TTC28: variants seen among roughly 807,000 people sequenced by gnomAD.
The protein encoded by TTC28 is tetratricopeptide repeat domain 28.
TTC28 carries 61 observed loss-of-function variants against 198.0 expected under a neutral mutation model. That is an observed-to-expected ratio of 0.31 (90% confidence interval 0.25 to 0.38). The LOEUF is 0.38. Ranked by LOEUF, TTC28 falls within the 10% of genes least tolerant of loss-of-function variation. The pLI is 1.00. For synonymous variants in TTC28, 1,171 were observed against 1,297.8 expected, an observed-to-expected ratio of 0.90 and a Z score of 2.10; for missense variants, 2,678 against 3,164.0, an observed-to-expected ratio of 0.85 and a Z score of 3.69.
Position 28,103,833 on chromosome 22 carries a change from C to T in TTC28, c.3307+1446G>A, listed in dbSNP as rs111664176. Among the ~76,000 whole-genome samples, 350 of 152,334 alleles carry T rather than the reference C, an allele frequency of 2.3e-3. 2 individuals carry two copies. The highest frequency in any genetic ancestry group is 7.8e-3 in the African/African-American group (325 of 41,580). On this transcript the variant is annotated intron_variant, in intron 8 of 22. Coordinates refer to ENST00000397906, the MANE Select transcript of TTC28 (RefSeq NM_001145418.2). Reference sequence around the variant, plus strand: ...TTTCAGGAAGTACAAAAGAACACAGCTGAAAAGTTGTCATATGACTGAATT... The same window carrying T: ...TTTCAGGAAGTACAAAAGAACACAGTTGAAAAGTTGTCATATGACTGAATT...
chr22:28,632,966 G>GA (rs111559281), intron 1 of TTC28, among the ~76,000 whole-genome samples: 144 of 143,256 alleles, frequency 1.0e-3, no homozygotes, highest in Middle Eastern at 3.6e-3. Context: ...CTCTATTTTA[G>GA]AAAAAAAAAA....
intron 12 of TTC28, among the ~76,000 whole-genome samples, chr22:28,075,505 A>T (rs1300379338): frequency 6.6e-6 from 1 of 152,188 alleles, no homozygotes; most frequent in Non-Finnish European, 1.5e-5. Flanking sequence ...AGGACACAAG[A>T]GACTCAGCCA....
chr22:28,166,938 G>T (rs375667324), intron 5 of TTC28, among the ~76,000 whole-genome samples: 1 of 151,978 alleles, frequency 6.6e-6, no homozygotes, highest in Non-Finnish European at 1.5e-5. Context: ...GACTAATAAA[G>T]AAGAAAAGAG....
intron 2 of TTC28, among the ~76,000 whole-genome samples, chr22:28,541,281 C>T (rs2049405493): frequency 6.6e-6 from 1 of 152,164 alleles, no homozygotes. Flanking sequence ...CCCATGATTG[C>T]CCTGGCTTCT....
intron 2 of TTC28, among the ~76,000 whole-genome samples, chr22:28,627,139 T>C (rs770099035): frequency 3.3e-5 from 5 of 152,144 alleles, no homozygotes; most frequent in Admixed American, 6.5e-5. Context: ...CAGATATATA[T>C]GCAAAACCTT....
chr22:28,186,018 T>C (rs114042509), intron 5 of TTC28, among the ~76,000 whole-genome samples: 140 of 152,354 alleles, frequency 9.2e-4, no homozygotes, highest in African/African-American at 3.2e-3. Context: ...CTATTAGCTC[T>C]ATTTACAATT....
intron 5 of TTC28, among the ~76,000 whole-genome samples, chr22:28,252,901 C>G (rs780845054): frequency 6.6e-6 from 1 of 152,160 alleles, no homozygotes; most frequent in East Asian, 1.9e-4. Context: ...CCCAAATATA[C>G]ATCCTTCCTG....
chr22:27,990,177 G>A, intron 20 of TTC28, 170 bp from the exon 21 acceptor site: 6 of 914,898 alleles, frequency 6.6e-6, no homozygotes, highest in Non-Finnish European at 9.2e-6. Flanking sequence ...CTGTCCTGCT[G>A]TCCTCTCTGT....
chr22:28,406,662 A>G (rs2047001984), intron 2 of TTC28, among the ~76,000 whole-genome samples: 1 of 152,234 alleles, frequency 6.6e-6, no homozygotes, highest in African/African-American at 2.4e-5. Flanking sequence ...TATTTCAGAA[A>G]CAAGTCTCTA....
At chr22:28,192,293 C>T (rs1924893257) in intron 5 of TTC28, among the ~76,000 whole-genome samples, 1 of 152,048 alleles carries the variant, frequency 6.6e-6, no homozygotes, top group Admixed American at 6.6e-5. Context: ...ATCTGTATGT[C>T]ACCATCATCA....
chr22:28,478,665 T>C (rs1171562608), intron 2 of TTC28, among the ~76,000 whole-genome samples: 5 of 152,140 alleles, frequency 3.3e-5, no homozygotes, highest in Admixed American at 3.3e-4. Flanking sequence ...AGGCTATGAG[T>C]TGCTAATTGT....
Position 28,452,339 on chromosome 22 carries a change from G to A in TTC28, c.382-145696C>T, listed in dbSNP as rs2047792775. On this transcript the variant is annotated intron_variant, in intron 2 of 22. Coordinates refer to ENST00000397906, the MANE Select transcript of TTC28 (RefSeq NM_001145418.2). ...CAGGAGGCAGAGGTTTCAATGAGCC[G>A]AGATTGTGCCACTGCACTCCAGCCT... 4.7e-5 allele frequency among the ~76,000 whole-genome samples: 6 copies of A among 128,878 alleles called. No homozygotes were observed. The South Asian group carries it at 1.6e-3, about 34-fold the overall frequency. 84.5% of individuals were successfully genotyped at this position (128,878 alleles called of 152,430 possible).
At chr22:28,567,479 C>CATATATATATATATAT (rs398040471) in intron 2 of TTC28, among the ~76,000 whole-genome samples, 2,422 of 50,958 alleles carry the variant, frequency 0.048, 308 homozygotes, top group Non-Finnish European at 0.056. Flanking sequence ...TACATACATA[C>CATATATATATATATAT]ATATATATAT....
chr22:28,236,404 A>G (rs1929252293), intron 5 of TTC28, among the ~76,000 whole-genome samples: 1 of 152,170 alleles, frequency 6.6e-6, no homozygotes, highest in Admixed American at 6.5e-5. Context: ...GTAGAGTTCC[A>G]AGGTAAAGAA....
intron 2 of TTC28, among the ~76,000 whole-genome samples, chr22:28,533,215 G>T (rs2049180931): frequency 6.6e-6 from 1 of 151,980 alleles, no homozygotes; most frequent in Non-Finnish European, 1.5e-5. Flanking sequence ...AAAGTCTCAG[G>T]ATAAAAAAAT....
At chr22:28,428,609 TA>T (rs2047385127) in intron 2 of TTC28, among the ~76,000 whole-genome samples, 1 of 69,938 alleles carries the variant, frequency 1.4e-5, no homozygotes. Context: ...CATGAATTAT[TA>T]TTTTATTTTA....
chr22:28,069,738 A>G (rs1474647353), intron 12 of TTC28, among the ~76,000 whole-genome samples: 1 of 152,084 alleles, frequency 6.6e-6, no homozygotes, highest in East Asian at 1.9e-4. Context: ...ACTATTAATT[A>G]TCTATCCCTT....
At chr22:28,572,828 T>C (rs865853346) in intron 2 of TTC28, among the ~76,000 whole-genome samples, 1 of 152,132 alleles carries the variant, frequency 6.6e-6, no homozygotes, top group Non-Finnish European at 1.5e-5. Flanking sequence ...CTATAAGTTT[T>C]ATGTACAGTT....
intron 2 of TTC28, among the ~76,000 whole-genome samples, chr22:28,440,789 A>G (rs2047607797): frequency 6.6e-6 from 1 of 152,228 alleles, no homozygotes; most frequent in Non-Finnish European, 1.5e-5. Context: ...TTCTGGCAAG[A>G]GTAAGAAAAT....
Sources: allele counts gnomAD v4.1 joint callset (sites outside exome capture counted in the v4.1 genomes callset), GRCh38; gene constraint gnomAD v4.1.1; transcripts MANE v1.5; gene names NCBI Gene and HGNC (gene_info 2026-07-23, HGNC 2026-07-21).